The following CFAP57 variants were observed in gnomAD, a reference collection of about 807,000 sequenced individuals.
CFAP57 encodes cilia- and flagella-associated protein 57.
CFAP57 carries 116 observed loss-of-function variants against 146.8 expected under a neutral mutation model. The observed-to-expected ratio is 0.79, with a 90% confidence interval of 0.68 to 0.92. The LOEUF (loss-of-function observed/expected upper bound fraction) is 0.92. Among genes scored for constraint, CFAP57 ranks in the 40% least tolerant of loss-of-function variants. The probability of loss-of-function intolerance (pLI) is 0.00; values close to 1 mark genes in which losing one functional copy is unlikely to be tolerated. For missense variants in CFAP57, 1,377 were observed against 1,527.2 expected (o/e 0.90, Z 1.64); for synonymous variants, 518 against 552.8 (o/e 0.94, Z 0.88).
At chr1:43,221,499 G>T (rs72891667) in intron 14 of CFAP57, 34 bp downstream of exon 14, 1 of 1,425,534 alleles carries the variant, frequency 7.0e-7, no homozygotes, top group East Asian at 2.6e-5. Flanking sequence ...GTTGGTTAGG[G>T]TTGGAAGAGC....
chr1:43,177,749 A>G (rs1645228577), intron 2 of CFAP57, among the ~76,000 whole-genome samples: 1 of 152,218 alleles, frequency 6.6e-6, no homozygotes, highest in Admixed American at 6.5e-5. Context: ...CACACAATCT[A>G]GATCCCTCGC....
rs994624742 is a variant in CFAP57 at position 43,174,687 on chromosome 1, G to A, written c.157+1777G>A. On this transcript the variant is annotated intron_variant, in intron 2 of 22. Transcript: ENST00000372492. Reference sequence around the variant, plus strand: ...AAAAATCAGCTGGGCGTGGTGGCACGTGCCTGTAGTCCCAGCTACTCGGGA... The same window carrying A: ...AAAAATCAGCTGGGCGTGGTGGCACATGCCTGTAGTCCCAGCTACTCGGGA... Among the ~76,000 whole-genome samples, 26 of 152,216 alleles carry A rather than the reference G, an allele frequency of 1.7e-4. 1 individual carries two copies. The highest frequency in any genetic ancestry group is 1.0e-3 in the South Asian group (5 of 4,828).
intron 21 of CFAP57, among the ~76,000 whole-genome samples, chr1:43,242,913 T>C (rs1645981312): frequency 6.6e-6 from 1 of 152,124 alleles, no homozygotes; most frequent in South Asian, 2.1e-4. Flanking sequence ...GATATAATAA[T>C]AGCCATAGGG....
chr1:43,234,194 T>C, intron 19 of CFAP57, 85 bp from the exon 20 acceptor site: 1 of 1,385,888 alleles, frequency 7.2e-7, no homozygotes, highest in Non-Finnish European at 9.5e-7. Flanking sequence ...CTTTTCCCTT[T>C]CTGTGCCATT....
intron 21 of CFAP57, among the ~76,000 whole-genome samples, chr1:43,242,167 C>T (rs1645950350): frequency 6.6e-6 from 1 of 152,078 alleles, no homozygotes; most frequent in Non-Finnish European, 1.5e-5. Flanking sequence ...CACCCTTTAC[C>T]CTCTCCTTGG....
At chr1:43,250,588 A>T (rs1162655330) in intron 22 of CFAP57, among the ~76,000 whole-genome samples, 1 of 152,184 alleles carries the variant, frequency 6.6e-6, no homozygotes, top group Non-Finnish European at 1.5e-5. Context: ...ATTTCCCATG[A>T]CTATATCAAA....
chr1:43,222,693 C>T (rs1645092636), intron 15 of CFAP57, 131 bp from the exon 16 acceptor site: 10 of 1,076,264 alleles, frequency 9.3e-6, no homozygotes, highest in Admixed American at 9.3e-5. Flanking sequence ...CCATGGTCTC[C>T]GTTTCTGGAA....
chr1:43,195,359 T>C (rs546119201), intron 6 of CFAP57, among the ~76,000 whole-genome samples: 4 of 152,012 alleles, frequency 2.6e-5, no homozygotes, highest in Admixed American at 1.3e-4. Context: ...CCGTCTCTAC[T>C]AAAAATACAA....
chr1:43,236,520 G>T (rs1252478118), intron 21 of CFAP57, among the ~76,000 whole-genome samples: 1 of 145,708 alleles, frequency 6.9e-6, no homozygotes, highest in Non-Finnish European at 1.5e-5. Context: ...CTGAGAGTGG[G>T]GGGTTCCTGC....
At chr1:43,190,521 CGG>C (rs1189573803) in intron 6 of CFAP57, among the ~76,000 whole-genome samples, 1 of 152,078 alleles carries the variant, frequency 6.6e-6, no homozygotes, top group African/African-American at 2.4e-5. Flanking sequence ...CCGCCTGCCT[CGG>C]CCTCCTAAAG....
rs1557736007 is a variant in CFAP57 at position 43,185,188 on chromosome 1, C to T, written c.801C>T (p.Ser267=). The T allele has an allele frequency of 1.2e-6, 2 of 1,614,194 alleles. No homozygotes were observed. The highest frequency in any genetic ancestry group is 1.7e-6 in the Non-Finnish European group (2 of 1,180,040). Residue 267 remains serine, a synonymous_variant, in exon 5 of 23, where the codon TCC becomes TCT. Coordinates refer to ENST00000372492, the MANE Select transcript of CFAP57 (RefSeq NM_001378189.1). ...CACCAGTCAGTTCTCCACTCCCTTC[C>T]TATGAACAGATGGTGGCGGCCAGTA... ...EFPPVSSPLP[S]YEQMVAASSH...
chr1:43,215,566 A>T, intron 12 of CFAP57, 150 bp downstream of exon 12: 1 of 894,296 alleles, frequency 1.1e-6, no homozygotes, highest in Non-Finnish European at 1.6e-6. Flanking sequence ...TGTCCCCACA[A>T]CCAAGCTCTC....
At position 43,201,005 on chromosome 1, in the gene CFAP57, T is replaced by C. The variant is rs1328636625; in HGVS notation, c.1542+1502T>C. Among the ~76,000 whole-genome samples, 1 of 152,118 alleles carries C rather than the reference T, an allele frequency of 6.6e-6. No homozygotes were observed. Among genetic ancestry groups the C allele is most frequent in the Non-Finnish European group, 1.5e-5 (1 of 68,020 alleles). On this transcript the variant is annotated intron_variant, in intron 9 of 22. Coordinates refer to ENST00000372492, the MANE Select transcript of CFAP57 (RefSeq NM_001378189.1). The surrounding 1 kb of genome is among the most constrained non-coding windows in gnomAD (Gnocchi z 4.4). ...TGGGTTAGGAACTAAACCATGACTTTAGTAGCGGAGGCAGAGAGAAGAAAG... is the reference window on the plus strand; with the variant it reads ...TGGGTTAGGAACTAAACCATGACTTCAGTAGCGGAGGCAGAGAGAAGAAAG...
intron 6 of CFAP57, chr1:43,194,740 T>G (rs1372459144): frequency 6.6e-6 from 1 of 152,176 alleles, no homozygotes; most frequent in African/African-American, 2.4e-5. Flanking sequence ...TCTAGTGGAT[T>G]TTTCATTTCA....
intron 22 of CFAP57, among the ~76,000 whole-genome samples, chr1:43,247,296 A>T (rs966909029): frequency 1.3e-5 from 2 of 152,346 alleles, no homozygotes; most frequent in Middle Eastern, 6.8e-3. Flanking sequence ...TACCCTGGAG[A>T]CTACCATGTT....
intron 7 of CFAP57, among the ~76,000 whole-genome samples, chr1:43,198,231 T>G (rs551244495): frequency 6.6e-6 from 1 of 152,306 alleles, no homozygotes; most frequent in South Asian, 2.1e-4. Flanking sequence ...ACAATACTCA[T>G]GAATTTTGGA....
At chr1:43,187,385 C>T (rs1643203894) in intron 6 of CFAP57, among the ~76,000 whole-genome samples, 1 of 152,018 alleles carries the variant, frequency 6.6e-6, no homozygotes, top group Non-Finnish European at 1.5e-5. Context: ...ATATATAAAG[C>T]AAATCTGGGC....
intron 10 of CFAP57, 71 bp from the exon 11 acceptor site, chr1:43,209,672 G>A: frequency 1.4e-6 from 2 of 1,458,026 alleles, no homozygotes; most frequent in Non-Finnish European, 1.9e-6. Flanking sequence ...CAGAGGGCGA[G>A]AGAGTATGGC....
chr1:43,235,473 G>A (rs964095763), intron 21 of CFAP57, among the ~76,000 whole-genome samples: 2 of 152,092 alleles, frequency 1.3e-5, no homozygotes, highest in Admixed American at 6.5e-5. Flanking sequence ...TACTGGAATG[G>A]GAACAGGTTG....
Sources: allele counts gnomAD v4.1 joint callset (sites outside exome capture counted in the v4.1 genomes callset), GRCh38; gene constraint gnomAD v4.1.1; non-coding constraint Gnocchi (gnomAD v3.1); transcripts MANE v1.5; gene names NCBI Gene and HGNC (gene_info 2026-07-23, HGNC 2026-07-21).